The following LANCL3 variants were observed in gnomAD, a reference collection of about 807,000 sequenced individuals.
LANCL3 encodes lanC-like protein 3.
In LANCL3, 19 loss-of-function variants were observed where a neutral mutation model predicts 26.5. The observed-to-expected ratio is 0.72, with a 90% confidence interval of 0.50 to 1.05. The LOEUF (loss-of-function observed/expected upper bound fraction) is 1.05, where lower values mean the gene tolerates loss of function less well. LANCL3 is among the 50% of genes least tolerant of loss of function. LANCL3 has a pLI of 0.00. For missense variants in LANCL3, 318 were observed against 362.7 expected, an observed-to-expected ratio of 0.88 and a Z score of 1.00; for synonymous variants, 160 against 166.6, an observed-to-expected ratio of 0.96 and a Z score of 0.30.
At chrX:37,631,262 A>G (rs2146755233) in intron 1 of LANCL3, among the ~76,000 whole-genome samples, 1 of 111,396 alleles carries the variant, frequency 9.0e-6, no homozygotes, top group African/African-American at 3.3e-5. Flanking sequence ...GTATTCTCTG[A>G]TGGTAGTTTG....
rs1298041696 is a variant in LANCL3, at chrX:37,677,638, G to A, written c.*1825G>A. 1 of 111,291 alleles carries A rather than the reference G, an allele frequency of 9.0e-6. No individual in the cohort carries two copies. Among genetic ancestry groups the A allele is most frequent in the African/African-American group, 3.3e-5 (1 of 30,632 alleles). 9.2% of individuals were successfully genotyped at this position (111,291 alleles called of 1,213,427 possible). A position where few individuals can be genotyped will look rare whatever the true frequency, so the allele number is the denominator to read the frequency against. ...AGCTTTCAGATGACTCCCCACATTG[G>A]GTCCAGAAGTTCTTTCATATAGGCT... On this transcript the variant is annotated 3_prime_UTR_variant, in exon 5 of 5. Coordinates refer to ENST00000378619, the MANE Select transcript of LANCL3 (RefSeq NM_001170331.2).
intron 3 of LANCL3, among the ~76,000 whole-genome samples, chrX:37,662,422 A>T (rs1248583232): frequency 8.9e-6 from 1 of 112,270 alleles, no homozygotes; most frequent in Non-Finnish European, 1.9e-5. Context: ...AACTCATTTC[A>T]TAAAAGCTCT....
At chrX:37,659,864 A>G (rs147417545) in intron 3 of LANCL3, among the ~76,000 whole-genome samples, 9,189 of 111,611 alleles carry the variant, frequency 0.082, 347 homozygotes, top group Non-Finnish European at 0.12. Flanking sequence ...TATATGATCT[A>G]TATCTATTTG....
chrX:37,675,335 T>C (rs1926770470), intron 4 of LANCL3, among the ~76,000 whole-genome samples: 1 of 112,338 alleles, frequency 8.9e-6, no homozygotes. Context: ...TAAATAAAAG[T>C]AGAGCAATTT....
chrX:37,634,434 G>C (rs781930115), intron 1 of LANCL3, among the ~76,000 whole-genome samples: 36 of 112,945 alleles, frequency 3.2e-4, no homozygotes, highest in African/African-American at 1.1e-3. Flanking sequence ...CTCGCACATG[G>C]TGCGCTGCAC....
chrX:37,611,042 G>A (rs1924854586), intron 1 of LANCL3, among the ~76,000 whole-genome samples: 1 of 111,505 alleles, frequency 9.0e-6, no homozygotes, highest in African/African-American at 3.3e-5. Context: ...TCGAGCCCAT[G>A]GAGACTCTTG....
chrX:37,641,909 C>T (rs1556425941), intron 1 of LANCL3, among the ~76,000 whole-genome samples: 1 of 111,654 alleles, frequency 9.0e-6, no homozygotes, highest in African/African-American at 3.3e-5. Flanking sequence ...CTAAAGCTCC[C>T]ACAGGCCTCC....
chrX:37,615,014 C>G (rs1924967998), intron 1 of LANCL3, among the ~76,000 whole-genome samples: 1 of 111,948 alleles, frequency 8.9e-6, no homozygotes, highest in Non-Finnish European at 1.9e-5. Flanking sequence ...CTCAGCAACC[C>G]TATGAGTTGG....
At chrX:37,579,950 A>G (rs1923852677) in intron 1 of LANCL3, among the ~76,000 whole-genome samples, 1 of 111,834 alleles carries the variant, frequency 8.9e-6, no homozygotes, top group Admixed American at 9.6e-5. Context: ...AATATATGCT[A>G]AACTGACGAG....
intron 1 of LANCL3, among the ~76,000 whole-genome samples, chrX:37,630,995 T>C (rs1404509455): frequency 8.9e-6 from 1 of 112,109 alleles, no homozygotes; most frequent in African/African-American, 3.2e-5. Context: ...TCCCTCTTTT[T>C]CTATTGATTG....
intron 1 of LANCL3, among the ~76,000 whole-genome samples, chrX:37,594,753 G>A (rs1365649298): frequency 8.9e-6 from 1 of 111,900 alleles, no homozygotes; most frequent in Non-Finnish European, 1.9e-5. Flanking sequence ...ACCAGTCTTG[G>A]GGATTCAGGA....
chrX:37,636,505 C>A lies in LANCL3; in HGVS notation c.574-19183C>A, dbSNP rs782728873. 7.1e-5 allele frequency among the ~76,000 whole-genome samples: 8 copies of A among 112,409 alleles called. No homozygotes were observed. The South Asian group carries it at 2.9e-3, about 41-fold the overall frequency. On this transcript the variant is annotated intron_variant, in intron 1 of 4. Coordinates refer to ENST00000378619, the MANE Select transcript of LANCL3 (RefSeq NM_001170331.2). ...AAAAAATAACTTTTTAAAAAGCTTG[C>A]GTAATTGTCTTTCATGACAATCTTA... is the stretch of plus-strand genomic sequence containing the variant.
intron 1 of LANCL3, among the ~76,000 whole-genome samples, chrX:37,582,588 G>C (rs1323879179): frequency 8.9e-6 from 1 of 112,289 alleles, no homozygotes; most frequent in Non-Finnish European, 1.9e-5. Context: ...CTTCTTTTGA[G>C]AAGTGTCTGT....
At chrX:37,617,118 G>T (rs1853063549) in intron 1 of LANCL3, among the ~76,000 whole-genome samples, 1 of 108,657 alleles carries the variant, frequency 9.2e-6, no homozygotes, top group Non-Finnish European at 1.9e-5. Context: ...AAGGAAAAGT[G>T]GGTGGGGGGG....
At chrX:37,651,822 A>G (rs1257655375) in intron 1 of LANCL3, among the ~76,000 whole-genome samples, 4 of 110,011 alleles carry the variant, frequency 3.6e-5, no homozygotes, top group Non-Finnish European at 3.8e-5. Flanking sequence ...TCATTGTTCA[A>G]TTCCCACCTA....
intron 1 of LANCL3, among the ~76,000 whole-genome samples, chrX:37,594,955 GCAATAAACCACA>G (rs1924386254): frequency 8.9e-6 from 1 of 111,904 alleles, no homozygotes; most frequent in African/African-American, 3.2e-5. Context: ...GGCAAGTTGT[GCAATAAACCACA>G]AAGCAAAAAG....
intron 1 of LANCL3, among the ~76,000 whole-genome samples, chrX:37,624,210 T>TC (rs782082251): frequency 8.9e-6 from 1 of 111,901 alleles, no homozygotes; most frequent in Admixed American, 9.5e-5. Context: ...AGTGCCTGTT[T>TC]CCCCACAAAT....
chrX:37,669,690 A>G (rs782484166), intron 4 of LANCL3, among the ~76,000 whole-genome samples: 23 of 110,659 alleles, frequency 2.1e-4, no homozygotes, highest in African/African-American at 7.2e-4. Flanking sequence ...AGCCAATTAA[A>G]CCTCTTTTCT....
At chrX:37,582,430 G>C (rs1380895644) in intron 1 of LANCL3, among the ~76,000 whole-genome samples, 6 of 111,712 alleles carry the variant, frequency 5.4e-5, no homozygotes, top group Admixed American at 1.9e-4. Flanking sequence ...TTCCCCACAT[G>C]CTCTCCAGCA....
Sources: allele counts gnomAD v4.1 joint callset (sites outside exome capture counted in the v4.1 genomes callset), GRCh38; gene constraint gnomAD v4.1.1; transcripts MANE v1.5; gene names NCBI Gene and HGNC (gene_info 2026-07-23, HGNC 2026-07-21).